GNG12: variants seen among roughly 807,000 people sequenced by gnomAD.
GNG12 encodes the protein guanine nucleotide-binding protein G(I)/G(S)/G(O) subunit gamma-12.
For missense variants in GNG12, 69 were observed against 83.8 expected, an observed-to-expected ratio of 0.82 and a Z score of 0.69; for synonymous variants, 28 against 29.7, an observed-to-expected ratio of 0.94 and a Z score of 0.19.
intron 2 of GNG12, among the ~76,000 whole-genome samples, chr1:67,776,771 T>C (rs74080900): frequency 0.017 from 2,607 of 152,246 alleles, 62 homozygotes; most frequent in African/African-American, 0.049. Flanking sequence ...AAATAAAGGA[T>C]TGTTATTTTG....
intron 2 of GNG12, among the ~76,000 whole-genome samples, chr1:67,740,481 G>T (rs1034180300): frequency 1.3e-5 from 2 of 152,228 alleles, no homozygotes; most frequent in Non-Finnish European, 2.9e-5. Context: ...AAGCAGTTGT[G>T]ATAAAGACTG....
chr1:67,772,767 A>G (rs190005618), intron 2 of GNG12: 2 of 152,396 alleles, frequency 1.3e-5, no homozygotes, highest in Non-Finnish European at 2.9e-5. Context: ...TGTCTACTGC[A>G]TATTTCTGGC....
rs148206003 is a variant in GNG12 at position 67,828,811 on chromosome 1, A to G, written c.-77+4533T>C. ...CTGGTAGACTTTTCAAATATTCTTC[A>G]TGAAGATCAAACTACAAGCTTCTGA... On this transcript the variant is annotated intron_variant, in intron 1 of 3. Transcript: ENST00000370982. Among the ~76,000 whole-genome samples the G allele has an allele frequency of 6.1e-4, 93 of 152,340 alleles. 4 individuals are homozygous for G. In the East Asian group the frequency reaches 0.017, roughly 27 times the overall value.
At chr1:67,740,885 A>G (rs1428642440) in intron 2 of GNG12, among the ~76,000 whole-genome samples, 12 of 152,222 alleles carry the variant, frequency 7.9e-5, no homozygotes, top group Admixed American at 7.9e-4. Flanking sequence ...AACTGTGAGA[A>G]ATAAATGTTG....
chr1:67,752,291 G>C lies in GNG12; in HGVS notation c.-27+25167C>G, dbSNP rs113087739. On this transcript the variant is annotated intron_variant, in intron 2 of 3. Transcript: ENST00000370982. ...GTTTCAGGATGTTGCTCTGGTTCCA[G>C]GTCTCACTGGAGAGAAGAGGGCAGC... Among the ~76,000 whole-genome samples the C allele has an allele frequency of 4.9e-3, 744 of 152,296 alleles. 5 individuals are homozygous for C. Among genetic ancestry groups the C allele is most frequent in the African/African-American group, 0.017 (687 of 41,556 alleles).
At chr1:67,786,840 A>C (rs1257773499) in intron 1 of GNG12, among the ~76,000 whole-genome samples, 1 of 151,840 alleles carries the variant, frequency 6.6e-6, no homozygotes, top group Non-Finnish European at 1.5e-5. Flanking sequence ...GGGAGGCTGA[A>C]GCAGGAGAAC....
At chr1:67,752,933 C>T (rs1646547045) in intron 2 of GNG12, among the ~76,000 whole-genome samples, 1 of 152,144 alleles carries the variant, frequency 6.6e-6, no homozygotes, top group African/African-American at 2.4e-5. Flanking sequence ...CGAATCTGAC[C>T]TGTATTATGG....
At chr1:67,783,996 G>T (rs1025899462) in intron 1 of GNG12, among the ~76,000 whole-genome samples, 1 of 151,024 alleles carries the variant, frequency 6.6e-6, no homozygotes, top group African/African-American at 2.4e-5. Context: ...AAATCATGCT[G>T]CTATAAAGAC....
rs754484522 is a variant in GNG12, at chr1:67,716,558, A to G, written c.-26-8846T>C. On this transcript the variant is annotated intron_variant, in intron 2 of 3. Coordinates refer to ENST00000370982, the MANE Select transcript of GNG12 (RefSeq NM_018841.6). ...AGAGAGGTTAAAAAATTCTTGCCCA[A>G]GATCACACAGATTTACATGGCAGAG... Among the ~76,000 whole-genome samples, 90 of 152,302 alleles carry G rather than the reference A, an allele frequency of 5.9e-4. 1 individual carries two copies. The highest frequency in any genetic ancestry group is 9.7e-4 in the East Asian group (5 of 5,178).
chr1:67,817,010 C>G lies in GNG12; in HGVS notation c.-77+16334G>C, dbSNP rs186293984. ...AAGTTATTTTGATACAATACAACTTCTCTAGACATTAATTGAATCTTCTAT... is the reference window on the plus strand; with the variant it reads ...AAGTTATTTTGATACAATACAACTTGTCTAGACATTAATTGAATCTTCTAT... On this transcript the variant is annotated intron_variant, in intron 1 of 3. Coordinates refer to ENST00000370982, the MANE Select transcript of GNG12 (RefSeq NM_018841.6). Among the ~76,000 whole-genome samples, 94 of 152,290 alleles carry G rather than the reference C, an allele frequency of 6.2e-4. 1 individual carries two copies. The East Asian group carries it at 0.016, about 27-fold the overall frequency.
At chr1:67,749,065 C>T (rs757392137) in intron 2 of GNG12, among the ~76,000 whole-genome samples, 2 of 152,074 alleles carry the variant, frequency 1.3e-5, no homozygotes, top group Non-Finnish European at 2.9e-5. Context: ...TGGGGAACAA[C>T]CAAACCCTCC....
chr1:67,763,583 A>C (rs529522709), intron 2 of GNG12, among the ~76,000 whole-genome samples: 49 of 151,474 alleles, frequency 3.2e-4, no homozygotes, highest in Non-Finnish European at 6.5e-4. Context: ...CCCAAGTTAG[A>C]GTGCAGTGGT....
intron 1 of GNG12, among the ~76,000 whole-genome samples, chr1:67,805,917 C>A (rs1646892189): frequency 6.7e-6 from 1 of 149,352 alleles, no homozygotes. Context: ...AAAAAAAAAT[C>A]TTACCCATCC....
chr1:67,825,983 G>A (rs1647008434), intron 1 of GNG12, among the ~76,000 whole-genome samples: 1 of 152,224 alleles, frequency 6.6e-6, no homozygotes. Context: ...CTGAATGTTT[G>A]TTTCCTAGCA....
chr1:67,741,720 A>G (rs1646483702), intron 2 of GNG12, among the ~76,000 whole-genome samples: 1 of 152,272 alleles, frequency 6.6e-6, no homozygotes, highest in South Asian at 2.1e-4. Flanking sequence ...GTAAAGTCTA[A>G]GTCAAAAGTC....
chr1:67,705,668 G>C, intron 3 of GNG12, 92 bp from the exon 4 acceptor site: 1 of 1,455,430 alleles, frequency 6.9e-7, no homozygotes, highest in South Asian at 1.5e-5. Flanking sequence ...TTGAATGGAA[G>C]ACTGATTTGA....
At chr1:67,706,015 T>C (rs1646245275) in intron 3 of GNG12, among the ~76,000 whole-genome samples, 1 of 152,176 alleles carries the variant, frequency 6.6e-6, no homozygotes, top group Non-Finnish European at 1.5e-5. Context: ...GAACTGCAAA[T>C]AACTTTCAAG....
intron 1 of GNG12, among the ~76,000 whole-genome samples, chr1:67,822,052 A>C (rs2100823042): frequency 6.8e-6 from 1 of 146,002 alleles, no homozygotes; most frequent in African/African-American, 2.6e-5. Context: ...TACACTAACG[A>C]TAGCTGATGA....
intron 1 of GNG12, among the ~76,000 whole-genome samples, chr1:67,817,586 T>C (rs994693252): frequency 3.3e-5 from 5 of 152,114 alleles, no homozygotes; most frequent in African/African-American, 1.2e-4. Context: ...ACCCCTCCTC[T>C]GTGCTTCCAT....
Sources: allele counts gnomAD v4.1 joint callset (sites outside exome capture counted in the v4.1 genomes callset), GRCh38; gene constraint gnomAD v4.1.1; transcripts MANE v1.5; gene names NCBI Gene and HGNC (gene_info 2026-07-23, HGNC 2026-07-21).